Variants in CHN1 observed in about 807,000 individuals in gnomAD.
CHN1 encodes the protein N-chimaerin.
CHN1 carries 37 observed loss-of-function variants against 59.5 expected under a neutral mutation model. That is an observed-to-expected ratio of 0.62 (90% CI 0.48 to 0.82). The LOEUF (loss-of-function observed/expected upper bound fraction) is 0.82. Among genes scored for constraint, CHN1 ranks in the 40% least tolerant of loss-of-function variants. The pLI, the probability that CHN1 is intolerant of heterozygous loss-of-function variation, is 0.00. For missense variants in CHN1, 469 were observed against 571.0 expected (o/e 0.82, Z 1.82); for synonymous variants, 206 against 200.4 (o/e 1.03, Z -0.24).
At chr2:174,854,736 A>T (rs1294047415) in intron 6 of CHN1, among the ~76,000 whole-genome samples, 7 of 152,236 alleles carry the variant, frequency 4.6e-5, no homozygotes, top group African/African-American at 1.4e-4. Context: ...CTTCTGGCAC[A>T]GAAAGGAAAT....
chr2:174,955,192 A>C lies in CHN1; in HGVS notation c.20-2990T>G, dbSNP rs1057438028. ...TCTCTATATATCTATATCTATATAT[A>C]TATATATAATTGATATATATATATA... On this transcript the variant is annotated intron_variant, in intron 1 of 12. Transcript: ENST00000409900. 4.2e-3 allele frequency among the ~76,000 whole-genome samples: 424 copies of C among 101,890 alleles called. 2 individuals carry two copies. Among genetic ancestry groups the C allele is most frequent in the African/African-American group, 0.017 (391 of 22,764 alleles). The allele number at this position is 101,890 out of a possible 152,430, so 66.8% of individuals were successfully genotyped here.
intron 11 of CHN1, among the ~76,000 whole-genome samples, chr2:174,802,442 C>T (rs1684755615): frequency 6.6e-6 from 1 of 152,230 alleles, no homozygotes; most frequent in Non-Finnish European, 1.5e-5. Flanking sequence ...ATGACTCAGA[C>T]ATTCAGAAGA....
At chr2:174,931,870 C>T (rs573250398) in intron 3 of CHN1, among the ~76,000 whole-genome samples, 1 of 152,270 alleles carries the variant, frequency 6.6e-6, no homozygotes, top group African/African-American at 2.4e-5. Context: ...GAAAGGATCA[C>T]ACCTGCTGTA....
At chr2:174,948,895 T>A (rs1436940078) in intron 2 of CHN1, among the ~76,000 whole-genome samples, 1 of 152,222 alleles carries the variant, frequency 6.6e-6, no homozygotes, top group East Asian at 1.9e-4. Context: ...TGCTGAAGCA[T>A]TACAGTTTGT....
At chr2:174,901,748 G>A (rs1341637269) in intron 5 of CHN1, among the ~76,000 whole-genome samples, 1 of 152,132 alleles carries the variant, frequency 6.6e-6, no homozygotes, top group Non-Finnish European at 1.5e-5. Flanking sequence ...AGGGCCATGA[G>A]ATTATAGGTA....
At chr2:174,971,619 T>C (rs1690761745) in intron 1 of CHN1, among the ~76,000 whole-genome samples, 1 of 152,202 alleles carries the variant, frequency 6.6e-6, no homozygotes, top group African/African-American at 2.4e-5. Flanking sequence ...TTTATACTTA[T>C]TTATGTCTCA....
intron 5 of CHN1, among the ~76,000 whole-genome samples, chr2:174,891,640 G>A (rs1219555569): frequency 6.6e-6 from 1 of 150,482 alleles, no homozygotes; most frequent in Non-Finnish European, 1.5e-5. Flanking sequence ...GCAGAACTAA[G>A]AGGCAGTTTA....
chr2:174,930,841 C>T (rs1296085762), intron 3 of CHN1, among the ~76,000 whole-genome samples: 4 of 151,872 alleles, frequency 2.6e-5, no homozygotes, highest in South Asian at 2.1e-4. Context: ...CTCAGCTCAC[C>T]GCAAGCTCTG....
At chr2:174,866,647 A>G (rs1190169493) in intron 6 of CHN1, among the ~76,000 whole-genome samples, 2 of 152,236 alleles carry the variant, frequency 1.3e-5, no homozygotes, top group African/African-American at 4.8e-5. Context: ...AATTTCAGCT[A>G]AGCCCTTCTA....
At chr2:174,936,890 T>C (rs896371983) in intron 3 of CHN1, among the ~76,000 whole-genome samples, 1 of 152,216 alleles carries the variant, frequency 6.6e-6, no homozygotes, top group African/African-American at 2.4e-5. Flanking sequence ...AAATAATTAG[T>C]TGTGGCCTGG....
intron 5 of CHN1, among the ~76,000 whole-genome samples, chr2:174,894,990 A>T (rs1293194087): frequency 2.0e-5 from 3 of 151,664 alleles, no homozygotes; most frequent in Non-Finnish European, 2.9e-5. Context: ...CCCACCTGTT[A>T]GTCACTTAGT....
intron 2 of CHN1, among the ~76,000 whole-genome samples, chr2:174,946,009 G>A (rs1300904346): frequency 3.3e-5 from 5 of 151,352 alleles, no homozygotes; most frequent in East Asian, 1.9e-4. Flanking sequence ...ACACATACAC[G>A]TAACTGTGAG....
intron 7 of CHN1, among the ~76,000 whole-genome samples, chr2:174,832,588 TATTTA>T (rs1425714152): frequency 1.3e-5 from 2 of 152,146 alleles, no homozygotes; most frequent in Admixed American, 6.5e-5. Flanking sequence ...AGCAGTATGT[TATTTA>T]ATTTATAAGT....
At chr2:174,942,818 G>A (rs771463704) in intron 3 of CHN1, among the ~76,000 whole-genome samples, 2 of 152,148 alleles carry the variant, frequency 1.3e-5, no homozygotes, top group Non-Finnish European at 2.9e-5. Context: ...AGGAGGCCAC[G>A]GTGGGTGGAT....
At chr2:174,984,802 C>T (rs973201483) in intron 1 of CHN1, among the ~76,000 whole-genome samples, 1 of 152,160 alleles carries the variant, frequency 6.6e-6, no homozygotes, top group Non-Finnish European at 1.5e-5. Flanking sequence ...CGTGCAGCCT[C>T]CTCACAGAAC....
At chr2:174,986,224 A>G (rs1336653482) in intron 1 of CHN1, among the ~76,000 whole-genome samples, 1 of 152,198 alleles carries the variant, frequency 6.6e-6, no homozygotes, top group Non-Finnish European at 1.5e-5. Flanking sequence ...TACTCAGCAG[A>G]GAAGTTAGAA....
At chr2:174,969,666 GT>G (rs1690697304) in intron 1 of CHN1, among the ~76,000 whole-genome samples, 1 of 151,614 alleles carries the variant, frequency 6.6e-6, no homozygotes, top group Non-Finnish European at 1.5e-5. Flanking sequence ...CATTTAAAAA[GT>G]TCAAAACCCC....
intron 1 of CHN1, among the ~76,000 whole-genome samples, chr2:174,961,638 AAAT>A (rs1408233111): frequency 2.0e-5 from 3 of 151,934 alleles, no homozygotes; most frequent in Admixed American, 1.3e-4. Flanking sequence ...AAAAAAATAA[AAAT>A]AATAAGCCTA....
chr2:174,833,370 T>C (rs1408925303), intron 7 of CHN1, among the ~76,000 whole-genome samples: 2 of 152,252 alleles, frequency 1.3e-5, no homozygotes, highest in Non-Finnish European at 2.9e-5. Context: ...TCCAATTTTC[T>C]TTGAATTATT....
Sources: gnomAD v4.1 joint callset for allele counts (sites outside exome capture counted in the v4.1 genomes callset) on GRCh38, gnomAD v4.1.1 for gene constraint, MANE v1.5 for transcripts, NCBI Gene and HGNC (gene_info 2026-07-23, HGNC 2026-07-21) for gene names.